PPM1B: variants seen among roughly 807,000 people sequenced by gnomAD.
PPM1B encodes protein phosphatase 1B.
PPM1B carries 22 observed loss-of-function variants against 43.0 expected under a neutral mutation model. That is an observed-to-expected ratio of 0.51 (90% CI 0.37 to 0.73). PPM1B has a LOEUF of 0.73. PPM1B is among the 30% of genes least tolerant of loss of function. The pLI, the probability that PPM1B is intolerant of heterozygous loss-of-function variation, is 0.00. For missense variants in PPM1B, 632 were observed against 584.2 expected (o/e 1.08, Z -0.84); for synonymous variants, 217 against 197.9 (o/e 1.10, Z -0.81).
chr2:44,183,565 C>G (rs1157797768), intron 1 of PPM1B, among the ~76,000 whole-genome samples: 1 of 152,158 alleles, frequency 6.6e-6, no homozygotes, highest in Non-Finnish European at 1.5e-5. Flanking sequence ...TCCTCATCAC[C>G]ACCCAGTAAA....
At chr2:44,221,829 T>C (rs546862385) in intron 5 of PPM1B, among the ~76,000 whole-genome samples, 112 of 152,252 alleles carry the variant, frequency 7.4e-4, no homozygotes, top group African/African-American at 2.4e-3. Flanking sequence ...ATAAATTAAG[T>C]AATTTTAATA....
intron 3 of PPM1B, among the ~76,000 whole-genome samples, chr2:44,211,268 A>G (rs1343663741): frequency 6.6e-6 from 1 of 152,220 alleles, no homozygotes; most frequent in Non-Finnish European, 1.5e-5. Flanking sequence ...TGTGTGCTGC[A>G]TTTAGCTGTC....
downstream of PPM1B, among the ~76,000 whole-genome samples, chr2:44,232,005 C>G (rs562433807): frequency 6.6e-6 from 1 of 152,222 alleles, no homozygotes; most frequent in East Asian, 1.9e-4. Context: ...TAAATTGAAA[C>G]TTCGGAATCT....
intron 5 of PPM1B, among the ~76,000 whole-genome samples, chr2:44,223,111 C>T (rs75626417): frequency 0.036 from 5,409 of 152,230 alleles, 307 homozygotes; most frequent in African/African-American, 0.12. Context: ...GGATTACAGA[C>T]GTGAGCCACT....
chr2:44,199,324 T>TAAA (rs796771747), intron 1 of PPM1B, among the ~76,000 whole-genome samples: 1 of 74,696 alleles, frequency 1.3e-5, no homozygotes, highest in African/African-American at 4.8e-5. Flanking sequence ...AAAATAAAAA[T>TAAA]AAAAAAAAAA....
chr2:44,200,001 C>T (rs974607659), intron 1 of PPM1B, among the ~76,000 whole-genome samples: 1 of 152,102 alleles, frequency 6.6e-6, no homozygotes, highest in Non-Finnish European at 1.5e-5. Flanking sequence ...AGACCAGTGT[C>T]TCTCAAAACT....
Position 44,216,800 on chromosome 2 carries a change from C to T in PPM1B, c.965-1167C>T, listed in dbSNP as rs533071654. 3.3e-5 allele frequency among the ~76,000 whole-genome samples: 5 copies of T among 151,836 alleles called. No individual in the cohort carries two copies. In the East Asian group the frequency reaches 9.8e-4, roughly 30 times the overall value. On this transcript the variant is annotated intron_variant, in intron 3 of 5. Coordinates refer to ENST00000282412, the MANE Select transcript of PPM1B (RefSeq NM_002706.6). ...ATTAGCTGGGTGTGGTGGCACATGC[C>T]TGTAATCCCAGCTACTTGGGAGGCT...
At chr2:44,196,262 C>G (rs772088866) in intron 1 of PPM1B, among the ~76,000 whole-genome samples, 7 of 152,088 alleles carry the variant, frequency 4.6e-5, no homozygotes, top group Non-Finnish European at 1.0e-4. Context: ...TCAGGCTTTC[C>G]TTGTTTTTTA....
intron 3 of PPM1B, among the ~76,000 whole-genome samples, chr2:44,214,983 G>A (rs1669655538): frequency 6.6e-6 from 1 of 152,152 alleles, no homozygotes; most frequent in African/African-American, 2.4e-5. Context: ...TTTCTTAAAG[G>A]TGTGGTCAAT....
intron 1 of PPM1B, among the ~76,000 whole-genome samples, chr2:44,199,311 A>AAT (rs1668814133): frequency 1.5e-5 from 2 of 137,770 alleles, no homozygotes; most frequent in African/African-American, 5.8e-5. Flanking sequence ...CTCAAAAAAA[A>AAT]AAAAAATAAA....
At chr2:44,171,829 CAAAAAAAAAAAAA>C (rs58214419) in intron 1 of PPM1B, among the ~76,000 whole-genome samples, 1 of 118,780 alleles carries the variant, frequency 8.4e-6, no homozygotes, top group Non-Finnish European at 1.7e-5. Context: ...GACTCTGTCT[CAAAAAAAAAAAAA>C]AAAAAAAAAA....
At chr2:44,244,416 T>C (rs1558440150), downstream of PPM1B, 1 of 1,253,794 alleles carries the variant, frequency 8.0e-7, no homozygotes, top group East Asian at 5.1e-5. Context: ...TTTAATCTTA[T>C]AACCCATTAG....
At chr2:44,225,787 G>A (rs1022591694) in intron 5 of PPM1B, among the ~76,000 whole-genome samples, 6 of 151,970 alleles carry the variant, frequency 3.9e-5, no homozygotes, top group Admixed American at 6.6e-5. Flanking sequence ...CTCCCAAGTA[G>A]CTGGGACTAC....
At chr2:44,221,541 A>T (rs1669977841) in intron 5 of PPM1B, among the ~76,000 whole-genome samples, 1 of 152,222 alleles carries the variant, frequency 6.6e-6, no homozygotes, top group African/African-American at 2.4e-5. Flanking sequence ...AGTATGCTAG[A>T]ATTACAGAAG....
chr2:44,177,834 G>T (rs561249294), intron 1 of PPM1B, among the ~76,000 whole-genome samples: 1 of 146,592 alleles, frequency 6.8e-6, no homozygotes, highest in South Asian at 2.2e-4. Flanking sequence ...TATTTTTGCA[G>T]TTCTTTTTTT....
chr2:44,234,641 T>C, downstream of PPM1B: 1 of 983,384 alleles, frequency 1.0e-6, no homozygotes, highest in Non-Finnish European at 1.2e-6. Flanking sequence ...TGTTGACTCA[T>C]CTGAATTTCC....
chr2:44,176,865 G>A (rs1462290934), intron 1 of PPM1B, among the ~76,000 whole-genome samples: 1 of 151,876 alleles, frequency 6.6e-6, no homozygotes, highest in Middle Eastern at 3.2e-3. Flanking sequence ...CATTGCAGCC[G>A]CCACCTCCCA....
At chr2:44,199,944 A>G (rs1344294179) in intron 1 of PPM1B, among the ~76,000 whole-genome samples, 4 of 152,172 alleles carry the variant, frequency 2.6e-5, no homozygotes, top group Admixed American at 6.5e-5. Flanking sequence ...CATACCTGGA[A>G]AAAATCTCAC....
At position 44,201,683 on chromosome 2, in the gene PPM1B, G is replaced by A. The variant is rs1668945950; in HGVS notation, c.484G>A (p.Val162Ile). The A allele has an allele frequency of 6.2e-7, 1 of 1,614,092 alleles. No homozygotes were observed. The highest frequency in any genetic ancestry group is 1.3e-5 in the African/African-American group (1 of 74,938). The change falls in exon 2 of 6, where the codon GTC (valine) becomes ATC (isoleucine). Residue 162 changes from valine (V) to isoleucine (I), a missense_variant. Coordinates refer to ENST00000282412, the MANE Select transcript of PPM1B (RefSeq NM_002706.6). This position sits in a 1 kb window ranked among gnomAD's most constrained non-coding sequence, Gnocchi z 5.4. Reference sequence around the variant, plus strand: ...TGCTGTTCTGTATAGGAATGGACAAGTCTGCTTTTCTACCCAGGATCACAA... The same window carrying A: ...TGCTGTTCTGTATAGGAATGGACAAATCTGCTTTTCTACCCAGGATCACAA... ...SRAVLYRNGQ[V>I]CFSTQDHKPC...
Sources: allele counts gnomAD v4.1 joint callset (sites outside exome capture counted in the v4.1 genomes callset), GRCh38; gene constraint gnomAD v4.1.1; non-coding constraint Gnocchi (gnomAD v3.1); transcripts MANE v1.5; gene names NCBI Gene and HGNC (gene_info 2026-07-23, HGNC 2026-07-21).